The following BDNF variants were observed in gnomAD, a reference collection of about 807,000 sequenced individuals.
BDNF encodes the protein brain derived neurotrophic factor.
In BDNF, 1 loss-of-function variant was observed where a neutral mutation model predicts 19.5. The ratio of observed to expected loss-of-function variants is 0.05; its 90% CI spans 0.02 to 0.24. The LOEUF is 0.24. BDNF is among the 10% of genes least tolerant of loss of function. The pLI, the probability that BDNF is intolerant of heterozygous loss-of-function variation, is 1.00. For missense variants in BDNF, 195 were observed against 317.6 expected (o/e 0.61, Z 2.93); for synonymous variants, 100 against 121.6 (o/e 0.82, Z 1.17).
intron 1 of BDNF, chr11:27,690,986 G>A (rs1858182336): frequency 6.6e-6 from 1 of 151,832 alleles, no homozygotes; most frequent in Admixed American, 6.6e-5. Flanking sequence ...TTCTGCTATA[G>A]AGTCATTGTT....
At chr11:27,698,254 A>G (rs934093027) in intron 1 of BDNF, 2 of 139,158 alleles carry the variant, frequency 1.4e-5, no homozygotes, top group Non-Finnish European at 3.1e-5. Flanking sequence ...AAAAAAAAAA[A>G]AAGTCTTAAG....
intron 1 of BDNF, among the ~76,000 whole-genome samples, chr11:27,660,472 C>T (rs1853288830): frequency 6.6e-6 from 1 of 152,262 alleles, no homozygotes; most frequent in Non-Finnish European, 1.5e-5. Context: ...ATAGATCGTC[C>T]ATGGGGGTTT....
chr11:27,669,663 T>A (rs1020219741), intron 1 of BDNF, among the ~76,000 whole-genome samples: 3 of 152,104 alleles, frequency 2.0e-5, no homozygotes, highest in African/African-American at 7.2e-5. Flanking sequence ...CACAATTGTT[T>A]CAAAGAGAAT....
chr11:27,700,711 G>A (rs556126588), upstream of BDNF: 364 of 1,170,198 alleles, frequency 3.1e-4, 2 homozygotes, highest in African/African-American at 5.5e-3. Context: ...CGCCCTGCGA[G>A]TCCTGCGCCC....
chr11:27,697,474 A>G (rs1230970918), intron 1 of BDNF: 1 of 152,146 alleles, frequency 6.6e-6, no homozygotes, highest in African/African-American at 2.4e-5. Flanking sequence ...TTCTTTTTTT[A>G]CAGGATTTTC....
chr11:27,709,816 T>G (rs1156747834), intron 1 of BDNF, among the ~76,000 whole-genome samples: 1 of 152,242 alleles, frequency 6.6e-6, no homozygotes, highest in Non-Finnish European at 1.5e-5. Context: ...AAACTGAGTT[T>G]GCTAAAGCTG....
intron 1 of BDNF, chr11:27,659,341 C>T: frequency 2.0e-6 from 2 of 1,000,324 alleles, no homozygotes; most frequent in Non-Finnish European, 2.4e-6. Flanking sequence ...GTGGTCACAA[C>T]TGAAAATGTT....
rs957841860 is a variant in BDNF, at chr11:27,698,642, A to T, written c.-22+1522T>A. 9.0e-4 allele frequency among the ~76,000 whole-genome samples: 137 copies of T among 152,156 alleles called. 3 individuals are homozygous for T. Among genetic ancestry groups the T allele is most frequent in the Non-Finnish European group, 1.8e-4 (12 of 68,022 alleles). On this transcript the variant is annotated intron_variant, in intron 1 of 1. Transcript: ENST00000356660. ...TTTGCAGGATATTGAGTCAGTAGGG[A>T]GGGGTCTCATTTAATATCATGTCGC...
At chr11:27,700,520 GCCCCCCCCCCCCCGCCC>G (rs1169568990), upstream of BDNF, 43 of 736,012 alleles carry the variant, frequency 5.8e-5, no homozygotes, top group East Asian at 2.6e-3. Context: ...AAACGGCGCC[GCCCCCCCCCCCCCGCCC>G]CCCGCCCCCC....
At position 27,700,454 on chromosome 11, in the gene BDNF, GC is replaced by G; in HGVS notation, c.-313del. On this transcript the variant is annotated 5_prime_UTR_variant, in exon 1 of 2. Coordinates refer to ENST00000356660, the MANE Select transcript of BDNF (RefSeq NM_001709.5). ...CGTCGGGGACCCGGAGCTCCAGGCT[GC>G]GCCTTGCGCCCGGGTCAGACATTAT... is the stretch of plus-strand genomic sequence containing the variant. The G allele has an allele frequency of 1.0e-6, 1 of 984,030 alleles. No individual in the cohort carries two copies. Among genetic ancestry groups the G allele is most frequent in the South Asian group, 4.7e-5 (1 of 21,394 alleles). 61.0% of individuals were successfully genotyped at this position (984,030 alleles called of 1,614,324 possible).
chr11:27,660,282 C>A (rs956510594), intron 1 of BDNF: 3 of 1,227,464 alleles, frequency 2.4e-6, no homozygotes, highest in Admixed American at 5.3e-5. Flanking sequence ...CCTAAACACA[C>A]AAAAAAATTT....
intron 1 of BDNF, among the ~76,000 whole-genome samples, chr11:27,666,745 G>A (rs1167524203): frequency 6.6e-6 from 1 of 152,128 alleles, no homozygotes; most frequent in Non-Finnish European, 1.5e-5. Flanking sequence ...AATGAACAAA[G>A]CCTCCAAGAA....
At chr11:27,718,149 A>T (rs1379383063) in intron 1 of BDNF, among the ~76,000 whole-genome samples, 1 of 152,140 alleles carries the variant, frequency 6.6e-6, no homozygotes, top group Non-Finnish European at 1.5e-5. Context: ...GGAACTCTGC[A>T]ATTTAGAGTG....
Position 27,656,967 on chromosome 11 carries a change from AGAAT to A in BDNF, c.*850_*853del, listed in dbSNP as rs1852645382. The A allele has an allele frequency of 1.0e-6, 1 of 985,400 alleles. No homozygotes were observed. 61.0% of individuals were successfully genotyped at this position (985,400 alleles called of 1,614,324 possible). A position where few individuals can be genotyped will look rare whatever the true frequency, so the allele number is the denominator to read the frequency against. On this transcript the variant is annotated 3_prime_UTR_variant, in exon 2 of 2. Coordinates refer to ENST00000356660, the MANE Select transcript of BDNF (RefSeq NM_001709.5). ...GGAGACCAGAGGGGGAGGGGGGGAA[AGAAT>A]GTGTTCTGAGCAAACATAGGTCCTT... is the stretch of plus-strand genomic sequence containing the variant.
chr11:27,660,411 C>T (rs970563140), intron 1 of BDNF: 5 of 299,954 alleles, frequency 1.7e-5, no homozygotes, highest in Admixed American at 5.4e-5. Flanking sequence ...ATGTCTATTC[C>T]GCTAACAACT....
intron 1 of BDNF, among the ~76,000 whole-genome samples, chr11:27,709,430 C>A (rs1860241790): frequency 6.6e-6 from 1 of 152,034 alleles, no homozygotes; most frequent in Non-Finnish European, 1.5e-5. Flanking sequence ...TTAATAATAT[C>A]TGATTAGAAT....
chr11:27,714,429 A>C (rs530381029), intron 1 of BDNF, among the ~76,000 whole-genome samples: 3 of 152,134 alleles, frequency 2.0e-5, no homozygotes, highest in African/African-American at 7.2e-5. Context: ...AAAAATTATA[A>C]CTTCTGCTTG....
chr11:27,682,101 C>A (rs1856899770), intron 1 of BDNF, among the ~76,000 whole-genome samples: 1 of 152,084 alleles, frequency 6.6e-6, no homozygotes, highest in Admixed American at 6.6e-5. Context: ...TCCCTTCTAG[C>A]CACGCTCTAA....
intron 1 of BDNF, among the ~76,000 whole-genome samples, chr11:27,712,931 T>TTTCTTTC (rs1564996518): frequency 1.8e-5 from 2 of 112,040 alleles, no homozygotes; most frequent in East Asian, 2.6e-4. Flanking sequence ...TTCTTTCTTT[T>TTTCTTTC]TTTTTTTTTT....
Sources: allele counts gnomAD v4.1 joint callset (sites outside exome capture counted in the v4.1 genomes callset), GRCh38; gene constraint gnomAD v4.1.1; transcripts MANE v1.5; gene names NCBI Gene and HGNC (gene_info 2026-07-23, HGNC 2026-07-21).